The following KHDRBS2 variants were observed in gnomAD, a reference collection of about 807,000 sequenced individuals.
KHDRBS2 encodes the protein KH domain-containing, RNA-binding, signal transduction-associated protein 2.
In KHDRBS2, 26 loss-of-function variants were observed where a neutral mutation model predicts 44.3. That is an observed-to-expected ratio of 0.59 (90% CI 0.43 to 0.81). The LOEUF (loss-of-function observed/expected upper bound fraction) is 0.81. Ranked by LOEUF, KHDRBS2 falls within the 40% of genes least tolerant of loss-of-function variation. The pLI is 0.00. For missense variants in KHDRBS2, 476 were observed against 433.1 expected, an observed-to-expected ratio of 1.10 and a Z score of -0.88; for synonymous variants, 194 against 151.1, an observed-to-expected ratio of 1.28 and a Z score of -2.08.
At chr6:62,024,530 C>T (rs551307779) in intron 3 of KHDRBS2, among the ~76,000 whole-genome samples, 1 of 151,508 alleles carries the variant, frequency 6.6e-6, no homozygotes, top group South Asian at 2.1e-4. Context: ...AAATAATTCA[C>T]CATGGATACA....
At chr6:61,997,437 T>C (rs1777414005) in intron 3 of KHDRBS2, among the ~76,000 whole-genome samples, 1 of 152,188 alleles carries the variant, frequency 6.6e-6, no homozygotes, top group Admixed American at 6.5e-5. Context: ...TGAAATTAGC[T>C]GTTAAAATTT....
the KHDRBS2 span, among the ~76,000 whole-genome samples, chr6:61,601,695 A>G: frequency 6.6e-6 from 1 of 151,386 alleles, no homozygotes; most frequent in Non-Finnish European, 1.5e-5. Context: ...AGTCTTTCCA[A>G]TATTCCTTTT....
At chr6:62,127,158 T>C (rs1487154774) in intron 2 of KHDRBS2, among the ~76,000 whole-genome samples, 1 of 152,188 alleles carries the variant, frequency 6.6e-6, no homozygotes, top group Non-Finnish European at 1.5e-5. Context: ...TTACTTTAAA[T>C]ACAACTTCAG....
the KHDRBS2 span, among the ~76,000 whole-genome samples, chr6:61,606,348 G>A: frequency 6.6e-6 from 1 of 152,172 alleles, no homozygotes; most frequent in African/African-American, 2.4e-5. Flanking sequence ...GAAGAGCAGA[G>A]TGGGTTTGGT....
the KHDRBS2 span, among the ~76,000 whole-genome samples, chr6:61,633,584 C>T: frequency 3.3e-5 from 5 of 152,100 alleles, no homozygotes; most frequent in Non-Finnish European, 7.4e-5. Flanking sequence ...TCTGCATGTG[C>T]CATTTTAATT....
At chr6:61,879,689 A>G (rs1799939228) in intron 6 of KHDRBS2, among the ~76,000 whole-genome samples, 1 of 151,910 alleles carries the variant, frequency 6.6e-6, no homozygotes, top group African/African-American at 2.4e-5. Context: ...ACATACTAAC[A>G]TCTTAAAGTT....
At position 62,053,811 on chromosome 6, in the gene KHDRBS2, A is replaced by G. The variant is rs374719404; in HGVS notation, c.220-5817T>C. Among the ~76,000 whole-genome samples the G allele has an allele frequency of 5.9e-5, 9 of 152,040 alleles. No individual in the cohort carries two copies. The East Asian group carries it at 7.8e-4, about 13-fold the overall frequency. On this transcript the variant is annotated intron_variant, in intron 2 of 8. Transcript: ENST00000281156. ...AAAAATGCCATTTATATAATTATAT[A>G]CATAGAAAACAAAGTGTTTTCATAA...
chr6:62,283,393 T>A (rs1842064073), intron 1 of KHDRBS2, among the ~76,000 whole-genome samples: 1 of 152,094 alleles, frequency 6.6e-6, no homozygotes, highest in Admixed American at 6.5e-5. Context: ...GTATCACCAA[T>A]CAAAATGCAA....
intron 4 of KHDRBS2, among the ~76,000 whole-genome samples, chr6:61,954,558 A>G (rs1468889009): frequency 6.8e-6 from 1 of 146,822 alleles, no homozygotes; most frequent in Non-Finnish European, 1.5e-5. Context: ...ATGTATATAT[A>G]CACATACATA....
intron 7 of KHDRBS2, among the ~76,000 whole-genome samples, chr6:61,722,871 G>A (rs1351010716): frequency 6.6e-6 from 1 of 151,848 alleles, no homozygotes; most frequent in Admixed American, 6.6e-5. Context: ...CACCATGCCT[G>A]GCTAATTTTT....
At chr6:62,175,155 A>T (rs1311232019) in intron 2 of KHDRBS2, among the ~76,000 whole-genome samples, 1 of 151,714 alleles carries the variant, frequency 6.6e-6, no homozygotes, top group African/African-American at 2.4e-5. Flanking sequence ...TTGATAAGCG[A>T]GTATAAATCT....
At chr6:61,754,565 CT>C (rs201477122) in intron 6 of KHDRBS2, among the ~76,000 whole-genome samples, 57,767 of 133,116 alleles carry the variant, frequency 0.43, 12,267 homozygotes, top group African/African-American at 0.64. Flanking sequence ...ATGTTTTATG[CT>C]TTTTTTTTTT....
chr6:61,827,776 G>T (rs1428497456), intron 6 of KHDRBS2, among the ~76,000 whole-genome samples: 1 of 152,138 alleles, frequency 6.6e-6, no homozygotes, highest in African/African-American at 2.4e-5. Context: ...AACAGAAAGA[G>T]ACAGCAGGCT....
the KHDRBS2 span, among the ~76,000 whole-genome samples, chr6:61,615,825 G>C: frequency 3.4e-4 from 51 of 152,094 alleles, no homozygotes; most frequent in African/African-American, 1.2e-3. Context: ...CAAGCATTTT[G>C]GATAAGCAAT....
At chr6:61,784,755 C>A (rs1184123992) in intron 6 of KHDRBS2, among the ~76,000 whole-genome samples, 2 of 152,100 alleles carry the variant, frequency 1.3e-5, no homozygotes, top group Non-Finnish European at 2.9e-5. Flanking sequence ...TTAAAAAATT[C>A]TAAATCTACA....
At chr6:62,032,610 G>A (rs371723720) in intron 3 of KHDRBS2, among the ~76,000 whole-genome samples, 18 of 151,080 alleles carry the variant, frequency 1.2e-4, no homozygotes, top group East Asian at 2.0e-4. Flanking sequence ...AAATAAAACC[G>A]TCAAGATGGT....
At chr6:61,990,227 A>G (rs1775869556) in intron 3 of KHDRBS2, among the ~76,000 whole-genome samples, 1 of 152,350 alleles carries the variant, frequency 6.6e-6, no homozygotes, top group East Asian at 1.9e-4. Flanking sequence ...GATAGCTGAA[A>G]TCAGATTTTT....
At chr6:61,574,904 A>ATTTTTTT in the KHDRBS2 span, among the ~76,000 whole-genome samples, 43 of 152,102 alleles carry the variant, frequency 2.8e-4, no homozygotes, top group Non-Finnish European at 5.4e-4. Flanking sequence ...GCGAAATACC[A>ATTTTTTT]TCTCAAAAAA....
At chr6:62,019,755 T>A (rs1781910200) in intron 3 of KHDRBS2, among the ~76,000 whole-genome samples, 1 of 152,062 alleles carries the variant, frequency 6.6e-6, no homozygotes, top group Non-Finnish European at 1.5e-5. Context: ...CTTTTCTTTT[T>A]ATATCTGCTA....
Sources: gnomAD v4.1 joint callset for allele counts (sites outside exome capture counted in the v4.1 genomes callset) on GRCh38, gnomAD v4.1.1 for gene constraint, MANE v1.5 for transcripts, NCBI Gene and HGNC (gene_info 2026-07-23, HGNC 2026-07-21) for gene names.